Variants in SLC12A2 observed in about 807,000 individuals in gnomAD.
SLC12A2 encodes Na-K-2Cl cotransporter 1.
SLC12A2 carries 67 observed loss-of-function variants against 136.3 expected under a neutral mutation model. That is an observed-to-expected ratio of 0.49 (90% confidence interval 0.40 to 0.60). The LOEUF (loss-of-function observed/expected upper bound fraction) is 0.60. SLC12A2 is among the 20% of genes least tolerant of loss of function. The probability of loss-of-function intolerance (pLI) is 0.00; values close to 1 mark genes in which losing one functional copy is unlikely to be tolerated. For synonymous variants in SLC12A2, 619 were observed against 562.9 expected (o/e 1.10, Z -1.41); for missense variants, 1,322 against 1,534.7 (o/e 0.86, Z 2.32).
rs964832921 is a variant in SLC12A2, at chr5:128,084,852, G to A, written c.756+142G>A. The A allele has an allele frequency of 2.0e-6, 2 of 1,004,892 alleles. No homozygotes were observed. The highest frequency in any genetic ancestry group is 2.8e-6 in the Non-Finnish European group (2 of 707,538). The allele number at this position is 1,004,892 out of a possible 1,614,324, so 62.2% of individuals were successfully genotyped here. A position where few individuals can be genotyped will look rare whatever the true frequency, so the allele number is the denominator to read the frequency against. On this transcript the variant is annotated intron_variant, in intron 1 of 26. Transcript: ENST00000262461. This position sits in a 1 kb window ranked among gnomAD's most constrained non-coding sequence, Gnocchi z 5.6. ...TGGCATCTCTGGATTCAGCTGTCAA[G>A]GGTGGAATTGCCGAGGAATGTTAAC... is the stretch of plus-strand genomic sequence containing the variant.
chr5:128,108,440 TC>T (rs1220783947), intron 1 of SLC12A2, among the ~76,000 whole-genome samples: 3 of 152,144 alleles, frequency 2.0e-5, no homozygotes, highest in Non-Finnish European at 4.4e-5. Flanking sequence ...AAGTGGCATA[TC>T]CATACTATGG....
intron 1 of SLC12A2, among the ~76,000 whole-genome samples, chr5:128,089,029 G>A (rs527391333): frequency 6.6e-5 from 10 of 151,998 alleles, no homozygotes; most frequent in Admixed American, 1.3e-4. Context: ...TTAGCCAGGC[G>A]TGGTGGCGCA....
At chr5:128,118,662 A>C (rs1395211202) in intron 4 of SLC12A2, among the ~76,000 whole-genome samples, 1 of 152,150 alleles carries the variant, frequency 6.6e-6, no homozygotes, top group Non-Finnish European at 1.5e-5. Flanking sequence ...CCAAAATCTC[A>C]GAAATCACCA....
At chr5:128,123,177 A>T (rs1433320802) in intron 4 of SLC12A2, among the ~76,000 whole-genome samples, 1 of 152,154 alleles carries the variant, frequency 6.6e-6, no homozygotes, top group Non-Finnish European at 1.5e-5. Context: ...CTTGTATCTT[A>T]AAATTTAATT....
At chr5:128,185,840 A>G (rs2126762839) in intron 26 of SLC12A2, among the ~76,000 whole-genome samples, 1 of 152,282 alleles carries the variant, frequency 6.6e-6, no homozygotes, top group African/African-American at 2.4e-5. Context: ...CTTATGAACA[A>G]ATTTTGAAAA....
intron 1 of SLC12A2, among the ~76,000 whole-genome samples, chr5:128,089,840 T>TC (rs1305836008): frequency 5.3e-5 from 8 of 152,340 alleles, no homozygotes; most frequent in African/African-American, 1.9e-4. Context: ...GCTGTGTTGA[T>TC]GCCTAGTCAA....
At chr5:128,117,411 G>A (rs1279516297) in intron 4 of SLC12A2, among the ~76,000 whole-genome samples, 1 of 152,042 alleles carries the variant, frequency 6.6e-6, no homozygotes, top group Non-Finnish European at 1.5e-5. Flanking sequence ...AAACATACTC[G>A]GGAACCATCT....
intron 17 of SLC12A2, among the ~76,000 whole-genome samples, chr5:128,163,539 A>AC (rs1178828138): frequency 4.6e-5 from 7 of 152,122 alleles, no homozygotes; most frequent in Admixed American, 4.6e-4. Context: ...AAAAAAAAAA[A>AC]GAAACTTCAT....
intron 6 of SLC12A2, among the ~76,000 whole-genome samples, chr5:128,135,353 A>C (rs986913462): frequency 2.6e-5 from 4 of 152,088 alleles, no homozygotes; most frequent in African/African-American, 7.2e-5. Context: ...GTTAAGGTGG[A>C]AGAGACAGGA....
chr5:128,136,324 CCTT>C (rs1242745542), intron 7 of SLC12A2, among the ~76,000 whole-genome samples: 7 of 152,210 alleles, frequency 4.6e-5, no homozygotes, highest in East Asian at 3.9e-4. Context: ...AACCGTGTCT[CCTT>C]CTCAGTCCAG....
chr5:128,167,891 A>G, intron 18 of SLC12A2, 24 bp downstream of exon 18: 3 of 1,290,912 alleles, frequency 2.3e-6, no homozygotes, highest in Non-Finnish European at 3.2e-6. Context: ...TAATTCAATA[A>G]TTTAGTTCAT....
chr5:128,115,196 C>T (rs1761300479), intron 4 of SLC12A2, among the ~76,000 whole-genome samples: 1 of 152,196 alleles, frequency 6.6e-6, no homozygotes, highest in Non-Finnish European at 1.5e-5. Context: ...ATGATCTTGG[C>T]TCAGTGCAAT....
In SLC12A2 at chr5:128,135,703, C is replaced by T. The variant is rs752246285; in HGVS notation, c.1303C>T (p.Gln435Ter). 1 of 1,593,234 alleles carries T rather than the reference C, an allele frequency of 6.3e-7. No homozygotes were observed. Among genetic ancestry groups the T allele is most frequent in the Non-Finnish European group, 8.6e-7 (1 of 1,162,150 alleles). ...TTTTTAATGTTTAAAATTGCAGGCT[C>T]AGATTGTTCTTTTGGTGATCCTACT... Reference protein sequence around the residue: ...VAGMEWEAKAQIVLLVILLLA... With the variant: ...VAGMEWEAKA Residue 435 changes from glutamine (Q) to a stop codon, truncating the protein, a stop_gained, in exon 7 of 27, where the codon CAG becomes TAG. Transcript: ENST00000262461. LOFTEE classifies it high-confidence loss of function.
chr5:128,159,483 GA>G (rs1364305314), intron 16 of SLC12A2, among the ~76,000 whole-genome samples: 1 of 152,094 alleles, frequency 6.6e-6, no homozygotes, highest in Admixed American at 6.5e-5. Flanking sequence ...CAGAATGGGA[GA>G]AAAGTTTTGC....
rs1763753986 is a variant in SLC12A2 at position 128,183,002 on chromosome 5, CTTAA to C, written c.3299+66_3299+69del. 3 of 1,016,558 alleles carry C rather than the reference CTTAA, an allele frequency of 3.0e-6. No homozygotes were observed. The East Asian group carries it at 7.4e-5, about 25-fold the overall frequency. 63.0% of individuals were successfully genotyped at this position (1,016,558 alleles called of 1,614,324 possible). A position where few individuals can be genotyped will look rare whatever the true frequency, so the allele number is the denominator to read the frequency against. ...ATGGCCTACTCAGACACAGATTCAA[CTTAA>C]TTAAAACCCAGAGATTTTTTTCCTG... On this transcript the variant is annotated intron_variant, in intron 24 of 26. Transcript: ENST00000262461.
chr5:128,159,596 G>A (rs1245027290), intron 16 of SLC12A2, among the ~76,000 whole-genome samples: 8 of 152,100 alleles, frequency 5.3e-5, no homozygotes, highest in African/African-American at 1.9e-4. Context: ...CAAAGGATAT[G>A]AACAGACACT....
chr5:128,116,592 TA>T (rs756505142), intron 4 of SLC12A2, among the ~76,000 whole-genome samples: 2 of 151,962 alleles, frequency 1.3e-5, no homozygotes, highest in African/African-American at 2.4e-5. Context: ...ACCTAGAGGG[TA>T]AAAACCACTT....
intron 13 of SLC12A2, among the ~76,000 whole-genome samples, chr5:128,151,001 A>G (rs894947937): frequency 6.6e-6 from 1 of 151,944 alleles, no homozygotes; most frequent in South Asian, 2.1e-4. Flanking sequence ...TGAATACAGA[A>G]CTAGTCAAAT....
At chr5:128,139,016 C>A in intron 9 of SLC12A2, 108 bp downstream of exon 9, 1 of 766,876 alleles carries the variant, frequency 1.3e-6, no homozygotes, top group Non-Finnish European at 2.1e-6. Flanking sequence ...AGAAATATTT[C>A]AATAAAAAGA....
Sources: allele counts gnomAD v4.1 joint callset (sites outside exome capture counted in the v4.1 genomes callset), GRCh38; gene constraint gnomAD v4.1.1; non-coding constraint Gnocchi (gnomAD v3.1); transcripts MANE v1.5; gene names NCBI Gene and HGNC (gene_info 2026-07-23, HGNC 2026-07-21).